Variants in MEGF11 observed in about 807,000 individuals in gnomAD.
MEGF11 encodes multiple EGF like domains 11.
MEGF11 carries 126 observed loss-of-function variants against 146.6 expected under a neutral mutation model. The observed-to-expected ratio is 0.86, with a 90% CI of 0.74 to 1.00. The LOEUF is 1.00. MEGF11 is among the 50% of genes least tolerant of loss of function. MEGF11 has a pLI of 0.00. For synonymous variants in MEGF11, 532 were observed against 583.4 expected (o/e 0.91, Z 1.27); for missense variants, 1,509 against 1,521.2 (o/e 0.99, Z 0.13).
intron 1 of MEGF11, among the ~76,000 whole-genome samples, chr15:66,168,591 T>C (rs1462248251): frequency 6.6e-6 from 1 of 152,236 alleles, no homozygotes; most frequent in Non-Finnish European, 1.5e-5. Context: ...AGATGTGCTG[T>C]TTCAAATATC....
intron 7 of MEGF11, among the ~76,000 whole-genome samples, chr15:65,977,760 T>TTGTG (rs551341914): frequency 5.3e-5 from 8 of 151,672 alleles, no homozygotes; most frequent in Non-Finnish European, 1.0e-4. Context: ...AGTCTTTTCT[T>TTGTG]TGTGTGTGTG....
At chr15:65,983,618 TCAC>T (rs750789063) in intron 5 of MEGF11, among the ~76,000 whole-genome samples, 32 of 152,180 alleles carry the variant, frequency 2.1e-4, no homozygotes, top group Non-Finnish European at 4.0e-4. Flanking sequence ...AAAGGATGTC[TCAC>T]TTGTCTGGCT....
intron 5 of MEGF11, among the ~76,000 whole-genome samples, chr15:66,051,387 C>G (rs181390300): frequency 6.6e-6 from 1 of 152,044 alleles, no homozygotes; most frequent in South Asian, 2.1e-4. Context: ...GGAAAAAAGC[C>G]AAGACTTTCA....
chr15:66,173,725 G>A (rs758975863), intron 1 of MEGF11, among the ~76,000 whole-genome samples: 2 of 152,160 alleles, frequency 1.3e-5, no homozygotes, highest in Non-Finnish European at 2.9e-5. Context: ...AGACCAGTGA[G>A]GTCGACAGGG....
intron 5 of MEGF11, among the ~76,000 whole-genome samples, chr15:66,056,725 A>T (rs1180826252): frequency 6.6e-6 from 1 of 152,228 alleles, no homozygotes; most frequent in Non-Finnish European, 1.5e-5. Flanking sequence ...TCTAGCCCTT[A>T]GGAGGCTGGA....
intron 5 of MEGF11, among the ~76,000 whole-genome samples, chr15:66,077,809 A>G (rs1324930962): frequency 6.6e-6 from 1 of 151,238 alleles, no homozygotes; most frequent in East Asian, 1.9e-4. Context: ...GCAGGGGGGC[A>G]TCTGTGCTGG....
intron 24 of MEGF11, chr15:65,905,689 G>A (rs1177112189): frequency 3.7e-5 from 6 of 161,348 alleles, no homozygotes; most frequent in Non-Finnish European, 8.1e-5. Context: ...AAAGCCAGCA[G>A]GTGCAGGGTG....
intron 7 of MEGF11, among the ~76,000 whole-genome samples, chr15:65,979,843 G>A (rs1272148800): frequency 6.6e-6 from 1 of 152,140 alleles, no homozygotes; most frequent in African/African-American, 2.4e-5. Context: ...TTTTGTACTT[G>A]GGGGAAGGGG....
intron 5 of MEGF11, among the ~76,000 whole-genome samples, chr15:66,073,237 C>A (rs1029589015): frequency 5.3e-5 from 8 of 152,172 alleles, no homozygotes; most frequent in Non-Finnish European, 1.2e-4. Flanking sequence ...GGGAGCTGGT[C>A]AAATAAATCG....
chr15:65,922,807 A>G lies in MEGF11; in HGVS notation c.1822+16T>C, dbSNP rs1268741398. ...TTAGCCCTCTGAGCTCTTCGGGGTCAGGGGATTAGCCTTACTTCTCTGGCA... is the reference window on the plus strand; with the variant it reads ...TTAGCCCTCTGAGCTCTTCGGGGTCGGGGGATTAGCCTTACTTCTCTGGCA... On this transcript the variant is annotated intron_variant, in intron 14 of 25. Transcript: ENST00000395614. 6.2e-7 allele frequency: 1 copy of G among 1,613,354 alleles called. No homozygotes were observed. The highest frequency in any genetic ancestry group is 8.5e-7 in the Non-Finnish European group (1 of 1,179,614).
Position 65,954,742 on chromosome 15 carries a change from C to A in MEGF11, c.1287+2805G>T, listed in dbSNP as rs569973778. ...CAAGGAAGAGAGGCAGTGGCCTGGC[C>A]TCCAGACTGTTGGAGCACTGGGGAC... On this transcript the variant is annotated intron_variant, in intron 10 of 25. Coordinates refer to ENST00000395614, the MANE Select transcript of MEGF11 (RefSeq NM_001385028.1). Among the ~76,000 whole-genome samples, 12 of 152,340 alleles carry A rather than the reference C, an allele frequency of 7.9e-5. No homozygotes were observed. The South Asian group carries it at 2.1e-3, about 26-fold the overall frequency.
chr15:66,184,283 C>G (rs1398869797), intron 1 of MEGF11, among the ~76,000 whole-genome samples: 1 of 152,148 alleles, frequency 6.6e-6, no homozygotes, highest in South Asian at 2.1e-4. Flanking sequence ...TTCCTCCCCA[C>G]GCATCCCACA....
chr15:66,221,285 G>A (rs1384525551), intron 1 of MEGF11, among the ~76,000 whole-genome samples: 2 of 151,910 alleles, frequency 1.3e-5, no homozygotes, highest in Non-Finnish European at 2.9e-5. Flanking sequence ...GCTCGCAGCC[G>A]CTCCAGCACG....
At chr15:65,914,949 A>G (rs1389238034) in intron 19 of MEGF11, among the ~76,000 whole-genome samples, 1 of 152,226 alleles carries the variant, frequency 6.6e-6, no homozygotes. Context: ...GATTCTCACA[A>G]CTGGACCCTG....
Position 65,928,449 on chromosome 15 carries a change from AGT to A in MEGF11, c.1649_1650del (p.His550LeufsTer13), listed in dbSNP as rs1255058740. 3 of 1,602,144 alleles carry A rather than the reference AGT, an allele frequency of 1.9e-6. No individual in the cohort carries two copies. In the Admixed American group the frequency reaches 5.1e-5, roughly 27 times the overall value. On this transcript the variant is annotated frameshift_variant, in exon 13 of 26. Transcript: ENST00000395614. LOFTEE classifies it high-confidence loss of function. ...CCTGTCCATCCGGCCAGGCAGCAGC[AGT>A]GGCCTGTGACGGGGTCACATCCATC... ...HADGCDPVTG[H>X]CCCLAGWTGI...
At chr15:66,205,455 G>A (rs2091277115) in intron 1 of MEGF11, among the ~76,000 whole-genome samples, 1 of 152,054 alleles carries the variant, frequency 6.6e-6, no homozygotes, top group South Asian at 2.1e-4. Context: ...GGGGTGGTGG[G>A]GATAACAGCC....
chr15:66,130,983 C>A (rs2088624897), intron 1 of MEGF11, among the ~76,000 whole-genome samples: 1 of 152,136 alleles, frequency 6.6e-6, no homozygotes, highest in African/African-American at 2.4e-5. Context: ...ATATTGGGCA[C>A]CATCTGATTT....
At chr15:66,203,759 T>C (rs2091229425) in intron 1 of MEGF11, among the ~76,000 whole-genome samples, 1 of 152,224 alleles carries the variant, frequency 6.6e-6, no homozygotes, top group Admixed American at 6.5e-5. Flanking sequence ...AATGAATAGC[T>C]ATAAGAGACA....
At chr15:66,179,716 A>T (rs2090490051) in intron 1 of MEGF11, among the ~76,000 whole-genome samples, 1 of 152,098 alleles carries the variant, frequency 6.6e-6, no homozygotes, top group African/African-American at 2.4e-5. Context: ...AACCCATGTT[A>T]CCCCACCCAG....
Sources: gnomAD v4.1 joint callset for allele counts (sites outside exome capture counted in the v4.1 genomes callset) on GRCh38, gnomAD v4.1.1 for gene constraint, MANE v1.5 for transcripts, NCBI Gene and HGNC (gene_info 2026-07-23, HGNC 2026-07-21) for gene names.